Variants in EXD3 observed in about 807,000 individuals in gnomAD.
The protein encoded by EXD3 is exonuclease mut-7 homolog.
In EXD3, 92 loss-of-function variants were observed where a neutral mutation model predicts 98.0. The observed-to-expected ratio is 0.94, with a 90% CI of 0.79 to 1.12. EXD3 has a LOEUF of 1.12. Among genes scored for constraint, EXD3 ranks in the 50% most tolerant of loss-of-function variants. EXD3 has a pLI of 0.00. For synonymous variants in EXD3, 569 were observed against 526.0 expected (o/e 1.08, Z -1.12); for missense variants, 1,222 against 1,191.6 (o/e 1.03, Z -0.38).
intron 17 of EXD3, among the ~76,000 whole-genome samples, chr9:137,338,376 G>A (rs1001874947): frequency 1.2e-4 from 18 of 151,974 alleles, no homozygotes; most frequent in Admixed American, 2.6e-4. Context: ...CTGATATAGC[G>A]CAGTGAAAAC....
intron 19 of EXD3, 55 bp downstream of exon 19, chr9:137,323,670 C>A: frequency 6.3e-7 from 1 of 1,590,678 alleles, no homozygotes; most frequent in South Asian, 1.1e-5. Context: ...CTGGACACCC[C>A]CGTAGCTCCA....
intron 10 of EXD3, chr9:137,353,785 G>A: frequency 1.0e-6 from 1 of 985,946 alleles, no homozygotes; most frequent in South Asian, 4.7e-5. Flanking sequence ...TGCCCAGCAG[G>A]CTGAGCTCCT....
intron 8 of EXD3, among the ~76,000 whole-genome samples, chr9:137,355,564 G>GA (rs1216506659): frequency 1.9e-4 from 1 of 5,262 alleles, no homozygotes. Flanking sequence ...AAGGAGGAAG[G>GA]GAGGATGGAG....
In EXD3 at chr9:137,405,253, G is replaced by A. The variant is rs563831017; in HGVS notation, c.-47-9849C>T. Among the ~76,000 whole-genome samples, 1 of 152,318 alleles carries A rather than the reference G, an allele frequency of 6.6e-6. No homozygotes were observed. The highest frequency in any genetic ancestry group is 2.1e-4 in the South Asian group (1 of 4,832). ...AGTGGGCTCTGACCCACAGAGGGCTGGGCCAGCACCCCCGGGGGAAGGCGG... is the reference window on the plus strand; with the variant it reads ...AGTGGGCTCTGACCCACAGAGGGCTAGGCCAGCACCCCCGGGGGAAGGCGG... On this transcript the variant is annotated intron_variant, in intron 1 of 21. Transcript: ENST00000340951. The surrounding 1 kb of genome is among the most constrained non-coding windows in gnomAD (Gnocchi z 4.1).
intron 17 of EXD3, among the ~76,000 whole-genome samples, chr9:137,344,267 C>T (rs1439881722): frequency 1.3e-5 from 2 of 152,080 alleles, no homozygotes; most frequent in Non-Finnish European, 2.9e-5. Context: ...TTCCAGAAGT[C>T]CCAGAACCAG....
chr9:137,307,759 G>A, intron 20 of EXD3, 113 bp from the exon 21 acceptor site: 1 of 1,184,362 alleles, frequency 8.4e-7, no homozygotes, highest in Admixed American at 2.1e-5. Flanking sequence ...ATGGGGTGCA[G>A]CCTCTTCACA....
chr9:137,404,079 G>A (rs971708510), intron 1 of EXD3, among the ~76,000 whole-genome samples: 1 of 152,128 alleles, frequency 6.6e-6, no homozygotes, highest in Non-Finnish European at 1.5e-5. Context: ...GGGTCCTCAC[G>A]GGTCCCCCCA....
intron 19 of EXD3, 47 bp downstream of exon 19, chr9:137,323,678 C>A: frequency 6.3e-7 from 1 of 1,599,702 alleles, no homozygotes; most frequent in Non-Finnish European, 8.5e-7. Flanking sequence ...CCCCGTAGCT[C>A]CAGATCTTGT....
At chr9:137,402,281 G>A (rs1837512102) in intron 1 of EXD3, among the ~76,000 whole-genome samples, 1 of 152,114 alleles carries the variant, frequency 6.6e-6, no homozygotes, top group Non-Finnish European at 1.5e-5. Flanking sequence ...CCCAAAGTGT[G>A]GGGATTACAG....
rs74408631 is a variant in EXD3 at position 137,356,024 on chromosome 9, C to T, written c.757+244G>A. On this transcript the variant is annotated intron_variant, in intron 8 of 21. Transcript: ENST00000340951. ...CCAGGCAGGAGGCAGGAAGCCCTCC[C>T]GGAGCCGCCTAGGTGGGCAGAGGAG... is the stretch of plus-strand genomic sequence containing the variant. 3.2e-3 allele frequency among the ~76,000 whole-genome samples: 487 copies of T among 152,310 alleles called. 6 individuals are homozygous for T. The East Asian group carries it at 0.038, about 12-fold the overall frequency.
At position 137,349,328 on chromosome 9, in the gene EXD3, G is replaced by A. The variant is rs1235861790; in HGVS notation, c.1657+41C>T. The stretch of plus-strand genomic sequence containing the variant: ...AGCCTCCCGGGACAGAGGGCGGGAG[G>A]GGCGTGAGGAGGGGTCACTCCCACC... On this transcript the variant is annotated intron_variant, in intron 15 of 21. Transcript: ENST00000340951. This position sits in a 1 kb window ranked among gnomAD's most constrained non-coding sequence, Gnocchi z 7.4. The A allele has an allele frequency of 1.3e-6, 2 of 1,553,080 alleles. No individual in the cohort carries two copies. Among genetic ancestry groups the A allele is most frequent in the East Asian group, 2.4e-5 (1 of 42,480 alleles).
intron 1 of EXD3, among the ~76,000 whole-genome samples, chr9:137,404,612 G>A (rs1180256331): frequency 6.6e-6 from 1 of 152,238 alleles, no homozygotes; most frequent in Non-Finnish European, 1.5e-5. Context: ...TATAATCCCA[G>A]CACTTTGGGA....
chr9:137,355,313 C>T (rs142715694), intron 8 of EXD3, among the ~76,000 whole-genome samples: 1,536 of 152,198 alleles, frequency 0.01, 29 homozygotes, highest in African/African-American at 0.035. Flanking sequence ...GTGGTGCTAA[C>T]GGGCTGGCTG....
At chr9:137,367,836 G>A (rs1289449579) in intron 6 of EXD3, 100 bp downstream of exon 6, 4 of 1,200,226 alleles carry the variant, frequency 3.3e-6, no homozygotes, top group Non-Finnish European at 4.8e-6. Context: ...GTCCCCCACT[G>A]TGGCTTGGTG....
intron 19 of EXD3, among the ~76,000 whole-genome samples, chr9:137,320,147 C>T (rs1831953236): frequency 6.6e-6 from 1 of 151,950 alleles, no homozygotes; most frequent in Non-Finnish European, 1.5e-5. Flanking sequence ...GCGGGATGTG[C>T]ACACAGAGAC....
chr9:137,384,972 G>A (rs763193311), intron 2 of EXD3, among the ~76,000 whole-genome samples: 82 of 152,108 alleles, frequency 5.4e-4, no homozygotes, highest in Non-Finnish European at 1.0e-3. Context: ...GGTGCCTGTA[G>A]TCCCAGCTAC....
At position 137,414,180 on chromosome 9, in the gene EXD3, G is replaced by T. The variant is rs184880265; in HGVS notation, c.-48+8934C>A. On this transcript the variant is annotated intron_variant, in intron 1 of 21. Coordinates refer to ENST00000340951, the MANE Select transcript of EXD3 (RefSeq NM_017820.5). ...GATCCACCTCCCTTGGCCTCCCAAAGTGCTGGGATTACAGGCGTGAGCCAC... is the reference window on the plus strand; with the variant it reads ...GATCCACCTCCCTTGGCCTCCCAAATTGCTGGGATTACAGGCGTGAGCCAC... 6.8e-3 allele frequency among the ~76,000 whole-genome samples: 1,033 copies of T among 152,212 alleles called. 3 individuals carry two copies. The highest frequency in any genetic ancestry group is 0.012 in the Non-Finnish European group (816 of 68,002).
rs1832259914 is a variant in EXD3, at chr9:137,324,232, G to A, written c.1999-89C>T. The A allele has an allele frequency of 1.7e-6, 2 of 1,173,690 alleles. No homozygotes were observed. The highest frequency in any genetic ancestry group is 2.4e-6 in the Non-Finnish European group (2 of 817,418). 72.7% of individuals were successfully genotyped at this position (1,173,690 alleles called of 1,614,324 possible). A position where few individuals can be genotyped will look rare whatever the true frequency, so the allele number is the denominator to read the frequency against. ...CTGCTCGCCACCCCCTAGCTCCCCG[G>A]ATCGTGGCCCTGCCCCAGGCCCCTT... On this transcript the variant is annotated intron_variant, in intron 17 of 21. Transcript: ENST00000340951. This position sits in a 1 kb window ranked among gnomAD's most constrained non-coding sequence, Gnocchi z 4.1.
At chr9:137,307,958 G>A (rs774138488) in intron 20 of EXD3, among the ~76,000 whole-genome samples, 5 of 151,518 alleles carry the variant, frequency 3.3e-5, no homozygotes, top group South Asian at 4.2e-4. Context: ...GGGCGGGGGC[G>A]GGGGCAGCCC....
Sources: gnomAD v4.1 joint callset for allele counts (sites outside exome capture counted in the v4.1 genomes callset) on GRCh38, gnomAD v4.1.1 for gene constraint, Gnocchi (gnomAD v3.1) non-coding constraint, MANE v1.5 for transcripts, NCBI Gene and HGNC (gene_info 2026-07-23, HGNC 2026-07-21) for gene names.